Variants in APBB1IP observed in about 807,000 individuals in gnomAD.
APBB1IP encodes the protein amyloid beta precursor protein binding family B member 1 interacting protein.
In APBB1IP, 27 loss-of-function variants were observed where a neutral mutation model predicts 64.9. The ratio of observed to expected loss-of-function variants is 0.42; its 90% confidence interval spans 0.31 to 0.57. APBB1IP has a LOEUF of 0.57. Ranked by LOEUF, APBB1IP falls within the 20% of genes least tolerant of loss-of-function variation. The probability of loss-of-function intolerance (pLI) is 0.20; values close to 1 mark genes in which losing one functional copy is unlikely to be tolerated. For missense variants in APBB1IP, 812 were observed against 845.5 expected, an observed-to-expected ratio of 0.96 and a Z score of 0.49; for synonymous variants, 392 against 331.0, an observed-to-expected ratio of 1.18 and a Z score of -2.00.
intron 5 of APBB1IP, among the ~76,000 whole-genome samples, chr10:26,502,269 A>T (rs573776435): frequency 1.4e-4 from 21 of 152,364 alleles, no homozygotes; most frequent in Non-Finnish European, 2.2e-4. Context: ...TTGGGCTCAT[A>T]AAATACTTCA....
intron 11 of APBB1IP, among the ~76,000 whole-genome samples, chr10:26,554,460 C>A (rs1836869950): frequency 6.6e-6 from 1 of 152,232 alleles, no homozygotes; most frequent in African/African-American, 2.4e-5. Flanking sequence ...GTGTGCCAAT[C>A]TCTGCCTCCC....
intron 8 of APBB1IP, among the ~76,000 whole-genome samples, chr10:26,521,829 C>A (rs187660247): frequency 6.6e-6 from 1 of 152,264 alleles, no homozygotes; most frequent in Non-Finnish European, 1.5e-5. Context: ...CGACTCACTG[C>A]AACCTCTGCC....
At chr10:26,449,648 T>C (rs1835442871) in intron 2 of APBB1IP, among the ~76,000 whole-genome samples, 1 of 152,204 alleles carries the variant, frequency 6.6e-6, no homozygotes, top group Admixed American at 6.5e-5. Flanking sequence ...AGGTATCAAA[T>C]CATTACTGCC....
chr10:26,482,651 G>GA (rs1258555875), intron 2 of APBB1IP, among the ~76,000 whole-genome samples: 2 of 151,842 alleles, frequency 1.3e-5, no homozygotes, highest in African/African-American at 4.8e-5. Context: ...TTATTTCCTA[G>GA]AAAAAAATGT....
chr10:26,492,247 G>A (rs895672926), intron 2 of APBB1IP, 80 bp from the exon 3 acceptor site: 3 of 1,310,102 alleles, frequency 2.3e-6, no homozygotes, highest in Non-Finnish European at 3.3e-6. Context: ...GGGCTCTTGG[G>A]GGAAAGAGAG....
Sources: gnomAD v4.1 joint callset for allele counts (sites outside exome capture counted in the v4.1 genomes callset) on GRCh38, gnomAD v4.1.1 for gene constraint, MANE v1.5 for transcripts, NCBI Gene and HGNC (gene_info 2026-07-23, HGNC 2026-07-21) for gene names.